WWOX: variants seen among roughly 807,000 people sequenced by gnomAD.
WWOX encodes the protein WW domain-containing oxidoreductase.
In WWOX, 69 loss-of-function variants were observed where a neutral mutation model predicts 46.2. That is an observed-to-expected ratio of 1.49 (90% CI 1.23 to 1.82). The LOEUF is 1.82. Among genes scored for constraint, WWOX ranks in the 40% most tolerant of loss-of-function variants. The pLI, the probability that WWOX is intolerant of heterozygous loss-of-function variation, is 0.00. For missense variants in WWOX, 919 were observed against 542.6 expected (o/e 1.69, Z -6.89); for synonymous variants, 359 against 202.6 (o/e 1.77, Z -6.56).
chr16:78,943,666 T>C (rs574456113), intron 8 of WWOX, among the ~76,000 whole-genome samples: 380 of 151,900 alleles, frequency 2.5e-3, no homozygotes, highest in South Asian at 6.1e-3. Flanking sequence ...TCCAGAAGAG[T>C]GTAGGACACT....
chr16:78,108,678 T>C (rs1159197050), intron 2 of WWOX, among the ~76,000 whole-genome samples, 191 bp downstream of exon 2: 1 of 152,130 alleles, frequency 6.6e-6, no homozygotes, highest in Non-Finnish European at 1.5e-5. Flanking sequence ...GTGAGGATGA[T>C]TTCTTACTGG....
At chr16:78,623,028 G>A (rs575528810) in intron 8 of WWOX, among the ~76,000 whole-genome samples, 4 of 152,106 alleles carry the variant, frequency 2.6e-5, no homozygotes, top group Non-Finnish European at 4.4e-5. Flanking sequence ...ATAACCACAA[G>A]GAAATGAGTT....
chr16:79,060,731 T>C (rs1051631832), intron 8 of WWOX, among the ~76,000 whole-genome samples: 2 of 152,252 alleles, frequency 1.3e-5, no homozygotes, highest in Non-Finnish European at 2.9e-5. Flanking sequence ...TGTCACTGTA[T>C]GGAGAATAGC....
chr16:78,121,923 A>G (rs1255810862), intron 4 of WWOX, among the ~76,000 whole-genome samples: 5 of 151,950 alleles, frequency 3.3e-5, no homozygotes, highest in Admixed American at 6.6e-5. Context: ...AACCTCCCCA[A>G]ATGCTGGGAT....
intron 8 of WWOX, among the ~76,000 whole-genome samples, chr16:78,809,723 C>G (rs1049400516): frequency 2.6e-5 from 4 of 152,102 alleles, no homozygotes; most frequent in African/African-American, 9.7e-5. Flanking sequence ...TTTGTTTGAC[C>G]CTGTGGTTGT....
chr16:78,120,459 A>G (rs543243682), intron 4 of WWOX, among the ~76,000 whole-genome samples: 148 of 151,692 alleles, frequency 9.8e-4, no homozygotes, highest in African/African-American at 3.4e-3. Context: ...AGTCCCAGCT[A>G]CTCGGGAGGC....
At chr16:78,821,364 G>A (rs942994986) in intron 8 of WWOX, among the ~76,000 whole-genome samples, 9 of 152,140 alleles carry the variant, frequency 5.9e-5, no homozygotes, top group African/African-American at 2.2e-4. Context: ...CCCACAACAG[G>A]TGTATGTGGC....
intron 8 of WWOX, among the ~76,000 whole-genome samples, chr16:78,668,264 G>A (rs117297805): frequency 6.6e-6 from 1 of 152,116 alleles, no homozygotes; most frequent in Admixed American, 6.5e-5. Flanking sequence ...CTGTGTGACA[G>A]AGCAAGACTT....
chr16:79,020,389 A>G (rs927781662), intron 8 of WWOX, among the ~76,000 whole-genome samples: 1 of 152,114 alleles, frequency 6.6e-6, no homozygotes, highest in African/African-American at 2.4e-5. Context: ...ACTTGCTATA[A>G]TAGCTGTATC....
chr16:79,027,934 T>C (rs532560379), intron 8 of WWOX, among the ~76,000 whole-genome samples: 19 of 151,706 alleles, frequency 1.3e-4, no homozygotes, highest in Middle Eastern at 3.4e-3. Context: ...TTTATTTTCC[T>C]TTGTTTTTCT....
intron 8 of WWOX, among the ~76,000 whole-genome samples, chr16:78,707,508 C>T (rs2048349906): frequency 6.6e-6 from 1 of 152,172 alleles, no homozygotes; most frequent in African/African-American, 2.4e-5. Flanking sequence ...TTGGAAAAGT[C>T]TGTGCATCTG....
chr16:78,846,331 G>C (rs1310531057), intron 8 of WWOX, among the ~76,000 whole-genome samples: 1 of 152,062 alleles, frequency 6.6e-6, no homozygotes. Flanking sequence ...ATTTGGATTT[G>C]ACGGTGTGTC....
intron 5 of WWOX, among the ~76,000 whole-genome samples, chr16:78,321,248 A>C (rs1255087716): frequency 1.3e-5 from 2 of 150,478 alleles, no homozygotes; most frequent in Non-Finnish European, 3.0e-5. Flanking sequence ...TCTTTTGTTT[A>C]AGGCAACACG....
chr16:78,634,523 T>G (rs1190720362), intron 8 of WWOX, among the ~76,000 whole-genome samples: 1 of 151,714 alleles, frequency 6.6e-6, no homozygotes, highest in Non-Finnish European at 1.5e-5. Context: ...CTGGCCAACA[T>G]GGTGAAACCC....
At chr16:78,319,641 T>G (rs924693332) in intron 5 of WWOX, among the ~76,000 whole-genome samples, 4 of 152,188 alleles carry the variant, frequency 2.6e-5, no homozygotes, top group African/African-American at 9.7e-5. Flanking sequence ...GCCGTGAATT[T>G]CTTATTAATG....
chr16:78,131,278 T>C (rs1296172462), intron 4 of WWOX, among the ~76,000 whole-genome samples: 1 of 152,186 alleles, frequency 6.6e-6, no homozygotes, highest in Non-Finnish European at 1.5e-5. Flanking sequence ...ATCAGCGTGA[T>C]CATAGCTCAC....
At chr16:79,184,181 T>C (rs1320004607) in intron 8 of WWOX, among the ~76,000 whole-genome samples, 1 of 152,224 alleles carries the variant, frequency 6.6e-6, no homozygotes, top group East Asian at 1.9e-4. Flanking sequence ...AACTGTTGAA[T>C]TGACTAATTC....
At chr16:78,844,450 A>C (rs1597709617) in intron 8 of WWOX, among the ~76,000 whole-genome samples, 1 of 152,164 alleles carries the variant, frequency 6.6e-6, no homozygotes, top group East Asian at 1.9e-4. Context: ...ACTGAAGATA[A>C]TAGGGAAGCC....
chr16:78,720,202 C>T (rs1400125392), intron 8 of WWOX, among the ~76,000 whole-genome samples: 1 of 152,048 alleles, frequency 6.6e-6, no homozygotes, highest in Non-Finnish European at 1.5e-5. Flanking sequence ...TAGACCCTAC[C>T]AGTAAGACTT....
Sources: allele counts gnomAD v4.1 joint callset (sites outside exome capture counted in the v4.1 genomes callset), GRCh38; gene constraint gnomAD v4.1.1; transcripts MANE v1.5; gene names NCBI Gene and HGNC (gene_info 2026-07-23, HGNC 2026-07-21).